The following ULK4 variants were observed in gnomAD, a reference collection of about 807,000 sequenced individuals.
The protein encoded by ULK4 is unc-51 like kinase 4, also known as inactive serine/threonine-protein kinase ULK4.
Under a neutral mutation model 160.6 loss-of-function variants are expected in ULK4, and 133 were observed. The observed-to-expected ratio is 0.83, with a 90% CI of 0.72 to 0.96. The LOEUF (loss-of-function observed/expected upper bound fraction) is 0.96, where lower values mean the gene tolerates loss of function less well. ULK4 is among the 40% of genes least tolerant of loss of function. The pLI is 0.00. For missense variants in ULK4, 1,580 were observed against 1,499.5 expected (o/e 1.05, Z -0.89); for synonymous variants, 534 against 539.8 (o/e 0.99, Z 0.15).
intron 2 of ULK4, among the ~76,000 whole-genome samples, chr3:41,950,502 A>C (rs1700254020): frequency 6.6e-6 from 1 of 151,842 alleles, no homozygotes; most frequent in Admixed American, 6.6e-5. Context: ...CTCAGCCTCC[A>C]AAAGTACTGG....
At chr3:41,850,993 T>A (rs1182727577) in intron 17 of ULK4, among the ~76,000 whole-genome samples, 1 of 152,242 alleles carries the variant, frequency 6.6e-6, no homozygotes, top group African/African-American at 2.4e-5. Context: ...GTATAAGGTT[T>A]TCTAGATATA....
chr3:41,257,946 A>G (rs1479172812), intron 35 of ULK4, among the ~76,000 whole-genome samples: 2 of 152,164 alleles, frequency 1.3e-5, no homozygotes, highest in Non-Finnish European at 2.9e-5. Context: ...GTTTGAATTT[A>G]CCTTGCTAAA....
chr3:41,752,355 G>A (rs922733567), intron 22 of ULK4, among the ~76,000 whole-genome samples: 4 of 152,190 alleles, frequency 2.6e-5, no homozygotes, highest in Non-Finnish European at 5.9e-5. Context: ...AAATAGACAC[G>A]AGCAACTTCC....
At chr3:41,613,018 C>G (rs375550047) in intron 31 of ULK4, among the ~76,000 whole-genome samples, 1 of 152,126 alleles carries the variant, frequency 6.6e-6, no homozygotes, top group Non-Finnish European at 1.5e-5. Context: ...AATGATGTTT[C>G]GCTATTTTCT....
intron 22 of ULK4, among the ~76,000 whole-genome samples, chr3:41,727,102 C>T (rs561886937): frequency 3.3e-5 from 5 of 152,286 alleles, no homozygotes; most frequent in Admixed American, 2.0e-4. Flanking sequence ...GAATCCTATG[C>T]GCATTGCACA....
chr3:41,871,733 C>T (rs1697102543), intron 17 of ULK4, among the ~76,000 whole-genome samples: 1 of 152,146 alleles, frequency 6.6e-6, no homozygotes, highest in African/African-American at 2.4e-5. Context: ...GATATGAGTC[C>T]TTCGTCAGAT....
Position 41,786,645 on chromosome 3 carries a change from T to G in ULK4, c.2193+3016A>C, listed in dbSNP as rs73071351. Among the ~76,000 whole-genome samples the G allele has an allele frequency of 3.6e-3, 548 of 152,110 alleles. 2 individuals are homozygous for G. Among genetic ancestry groups the G allele is most frequent in the Non-Finnish European group, 6.1e-3 (413 of 67,994 alleles). ...AAATGTTCAATAAATTGTAAATTTT[T>G]TAATTGTTAATCTTTTTATTAAAAT... On this transcript the variant is annotated intron_variant, in intron 21 of 36. Coordinates refer to ENST00000301831, the MANE Select transcript of ULK4 (RefSeq NM_017886.4).
chr3:41,767,569 AAATT>A (rs1355722558), intron 21 of ULK4, among the ~76,000 whole-genome samples: 7 of 152,204 alleles, frequency 4.6e-5, no homozygotes, highest in Non-Finnish European at 7.3e-5. Context: ...GTTATATTAC[AAATT>A]AATATGTATA....
intron 32 of ULK4, among the ~76,000 whole-genome samples, chr3:41,492,565 C>T (rs7653430): frequency 0.38 from 52,981 of 138,720 alleles, 10,643 homozygotes; most frequent in Non-Finnish European, 0.41. Flanking sequence ...AGGATCAAAT[C>T]CACACATAAC....
At chr3:41,936,251 T>C (rs1458026213) in intron 3 of ULK4, among the ~76,000 whole-genome samples, 2 of 152,212 alleles carry the variant, frequency 1.3e-5, no homozygotes, top group Non-Finnish European at 2.9e-5. Flanking sequence ...ACCCCAAAAC[T>C]GTGCACTTAA....
intron 35 of ULK4, among the ~76,000 whole-genome samples, chr3:41,323,657 C>T (rs371914287): frequency 6.6e-6 from 1 of 151,922 alleles, no homozygotes; most frequent in Non-Finnish European, 1.5e-5. Flanking sequence ...CATAGCTTTG[C>T]CTTCTGCCCC....
chr3:41,310,541 A>C (rs2080029541), intron 35 of ULK4, among the ~76,000 whole-genome samples: 1 of 152,242 alleles, frequency 6.6e-6, no homozygotes. Context: ...TCGAAACATG[A>C]TCACAATAAA....
At chr3:41,645,231 C>G (rs553468040) in intron 30 of ULK4, among the ~76,000 whole-genome samples, 15 of 151,812 alleles carry the variant, frequency 9.9e-5, no homozygotes, top group East Asian at 9.7e-4. Context: ...TTGCCTTCTG[C>G]TAGCTTTTGA....
intron 22 of ULK4, among the ~76,000 whole-genome samples, chr3:41,750,903 T>C (rs377513124): frequency 1.8e-4 from 27 of 150,512 alleles, no homozygotes; most frequent in African/African-American, 6.4e-4. Context: ...AGCAGGAGAA[T>C]TGCTTGAACC....
chr3:41,366,587 C>T (rs1472710751), intron 35 of ULK4, among the ~76,000 whole-genome samples: 1 of 149,206 alleles, frequency 6.7e-6, no homozygotes. Flanking sequence ...TATCTATATA[C>T]CTATTATGTA....
chr3:41,605,138 T>C (rs2032312413), intron 31 of ULK4, among the ~76,000 whole-genome samples: 1 of 151,520 alleles, frequency 6.6e-6, no homozygotes, highest in African/African-American at 2.4e-5. Context: ...TGCACATATA[T>C]CATAAACTAT....
chr3:41,452,964 G>A (rs1252379643), intron 34 of ULK4, among the ~76,000 whole-genome samples: 3 of 152,092 alleles, frequency 2.0e-5, no homozygotes, highest in Non-Finnish European at 2.9e-5. Flanking sequence ...AGGCCAAGGA[G>A]AACGGTGGTA....
At chr3:41,398,307 G>A (rs200073179) in intron 34 of ULK4, 43 bp from the exon 35 acceptor site, 157 of 1,596,074 alleles carry the variant, frequency 9.8e-5, no homozygotes, top group Middle Eastern at 8.4e-4. Flanking sequence ...CCTTGAAGAC[G>A]GTATTAGTAC....
At chr3:41,580,833 C>T (rs971757668) in intron 31 of ULK4, among the ~76,000 whole-genome samples, 4 of 152,126 alleles carry the variant, frequency 2.6e-5, no homozygotes, top group Admixed American at 1.3e-4. Flanking sequence ...CCTCCAAGGC[C>T]CTTTTCTGCC....
Sources: allele counts gnomAD v4.1 joint callset (sites outside exome capture counted in the v4.1 genomes callset), GRCh38; gene constraint gnomAD v4.1.1; transcripts MANE v1.5; gene names NCBI Gene and HGNC (gene_info 2026-07-23, HGNC 2026-07-21).